HCN1: variants seen among roughly 807,000 people sequenced by gnomAD.
HCN1 encodes the protein hyperpolarization activated cyclic nucleotide gated potassium channel 1.
HCN1 carries 13 observed loss-of-function variants against 78.9 expected under a neutral mutation model. The observed-to-expected ratio is 0.16, with a 90% CI of 0.11 to 0.26. The LOEUF (loss-of-function observed/expected upper bound fraction) is 0.26, where lower values mean the gene tolerates loss of function less well. Among genes scored for constraint, HCN1 ranks in the 10% least tolerant of loss-of-function variants. The probability of loss-of-function intolerance (pLI) is 1.00; values close to 1 mark genes in which losing one functional copy is unlikely to be tolerated. For synonymous variants in HCN1, 552 were observed against 455.5 expected, an observed-to-expected ratio of 1.21 and a Z score of -2.70; for missense variants, 810 against 1,154.3, an observed-to-expected ratio of 0.70 and a Z score of 4.32.
chr5:45,503,082 TAAC>T (rs1394074383), intron 2 of HCN1, among the ~76,000 whole-genome samples: 1 of 152,206 alleles, frequency 6.6e-6, no homozygotes, highest in African/African-American at 2.4e-5. Context: ...TATTGTAGGA[TAAC>T]AAAGTATTTT....
Position 45,262,461 on chromosome 5 carries a change from A to T in HCN1, c.2133T>A (p.Pro711=). 1 of 1,612,510 alleles carries T rather than the reference A, an allele frequency of 6.2e-7. No individual in the cohort carries two copies. The highest frequency in any genetic ancestry group is 8.5e-7 in the Non-Finnish European group (1 of 1,179,774). ...CATAGTGGAAAGTTCGAGCGGCCAG[A>T]GGGCTCTGTACAGGAGGGCTGCAGA... The part of the protein sequence containing the change: ...TAVCSPPVQS[P]LAARTFHYAS... The change falls in exon 8 of 8, where the codon CCT becomes CCA. Residue 711 remains proline, a synonymous_variant. Transcript: ENST00000303230.
At chr5:45,613,867 T>C (rs1744891622) in intron 2 of HCN1, among the ~76,000 whole-genome samples, 1 of 152,186 alleles carries the variant, frequency 6.6e-6, no homozygotes, top group African/African-American at 2.4e-5. Context: ...TACTCTGTGG[T>C]AGAAATAGTC....
chr5:45,570,958 T>A (rs1446875151), intron 2 of HCN1, among the ~76,000 whole-genome samples: 1 of 152,182 alleles, frequency 6.6e-6, no homozygotes, highest in Non-Finnish European at 1.5e-5. Context: ...TAAATACTTA[T>A]GAGGATTATG....
chr5:45,452,801 C>T lies in HCN1; in HGVS notation c.1011+9045G>A, dbSNP rs200655566. Among the ~76,000 whole-genome samples, 173 of 151,976 alleles carry T rather than the reference C, an allele frequency of 1.1e-3. 2 individuals are homozygous for T. Among genetic ancestry groups the T allele is most frequent in the East Asian group, 2.1e-3 (11 of 5,166 alleles). On this transcript the variant is annotated intron_variant, in intron 3 of 7. Coordinates refer to ENST00000303230, the MANE Select transcript of HCN1 (RefSeq NM_021072.4). ...AGCCAAATTCATCATAAAATTTACT[C>T]ATTACTCCAGAATAAATTACATCTC...
At chr5:45,509,911 CT>C (rs1742377501) in intron 2 of HCN1, among the ~76,000 whole-genome samples, 1 of 152,086 alleles carries the variant, frequency 6.6e-6, no homozygotes, top group South Asian at 2.1e-4. Context: ...ATGGAAACTT[CT>C]GATCATTAAT....
At chr5:45,499,868 T>C (rs1461944862) in intron 2 of HCN1, among the ~76,000 whole-genome samples, 1 of 152,166 alleles carries the variant, frequency 6.6e-6, no homozygotes, top group Non-Finnish European at 1.5e-5. Flanking sequence ...TTAGCATCTA[T>C]CTCTTCCCAG....
At chr5:45,335,894 T>C (rs1287861011) in intron 5 of HCN1, among the ~76,000 whole-genome samples, 1 of 152,052 alleles carries the variant, frequency 6.6e-6, no homozygotes, top group East Asian at 1.9e-4. Flanking sequence ...CGGAGCTGGA[T>C]TTAAATGAGG....
intron 2 of HCN1, among the ~76,000 whole-genome samples, chr5:45,563,828 T>C (rs1399268083): frequency 2.0e-5 from 3 of 152,198 alleles, no homozygotes; most frequent in African/African-American, 7.2e-5. Context: ...ATTTTGATCA[T>C]TTACAGCTGA....
chr5:45,552,562 A>G (rs1743389574), intron 2 of HCN1, among the ~76,000 whole-genome samples: 1 of 151,980 alleles, frequency 6.6e-6, no homozygotes, highest in East Asian at 1.9e-4. Context: ...ACAGACTTCT[A>G]TGGTAAAGCT....
chr5:45,273,999 T>A (rs2030632101), intron 6 of HCN1, among the ~76,000 whole-genome samples: 2 of 152,088 alleles, frequency 1.3e-5, no homozygotes, highest in Admixed American at 1.3e-4. Context: ...ATTAAATAGG[T>A]GCAAATTTTT....
At chr5:45,469,335 A>G (rs571613233) in intron 2 of HCN1, among the ~76,000 whole-genome samples, 1 of 152,130 alleles carries the variant, frequency 6.6e-6, no homozygotes, top group Non-Finnish European at 1.5e-5. Flanking sequence ...ATGAATGAAT[A>G]TTGGAAATGA....
chr5:45,688,088 C>T (rs1739842206), intron 1 of HCN1, among the ~76,000 whole-genome samples: 1 of 152,138 alleles, frequency 6.6e-6, no homozygotes, highest in African/African-American at 2.4e-5. Context: ...TGTCCATTAA[C>T]TTCCTATTTT....
At chr5:45,397,472 T>G (rs569153872) in intron 3 of HCN1, among the ~76,000 whole-genome samples, 1 of 152,026 alleles carries the variant, frequency 6.6e-6, no homozygotes. Flanking sequence ...GCAAGCTCAA[T>G]TTTTTAAAAA....
At chr5:45,372,877 T>C (rs940500917) in intron 4 of HCN1, among the ~76,000 whole-genome samples, 1 of 143,566 alleles carries the variant, frequency 7.0e-6, no homozygotes, top group Admixed American at 7.2e-5. Flanking sequence ...TATGTACGTA[T>C]TCTATACACA....
intron 4 of HCN1, among the ~76,000 whole-genome samples, chr5:45,376,909 C>G (rs936216232): frequency 1.3e-5 from 2 of 151,920 alleles, no homozygotes; most frequent in African/African-American, 4.8e-5. Context: ...TAATGTTCAG[C>G]CAGGTCTGAG....
chr5:45,469,416 T>C (rs968726833), intron 2 of HCN1, among the ~76,000 whole-genome samples: 5 of 152,008 alleles, frequency 3.3e-5, no homozygotes, highest in Admixed American at 6.6e-5. Flanking sequence ...TTTAAGATCA[T>C]TGTCTATTCC....
At chr5:45,655,374 G>A (rs1403418019) in intron 1 of HCN1, among the ~76,000 whole-genome samples, 2 of 152,054 alleles carry the variant, frequency 1.3e-5, no homozygotes, top group South Asian at 2.1e-4. Context: ...AAATCATCTA[G>A]TTTAGGACGC....
intron 1 of HCN1, among the ~76,000 whole-genome samples, chr5:45,648,088 C>G (rs1745585518): frequency 6.6e-6 from 1 of 152,142 alleles, no homozygotes; most frequent in Non-Finnish European, 1.5e-5. Flanking sequence ...ATGCTAATCC[C>G]AGGGCCTGGC....
At chr5:45,319,021 G>A (rs1473333456) in intron 5 of HCN1, among the ~76,000 whole-genome samples, 2 of 151,878 alleles carry the variant, frequency 1.3e-5, no homozygotes, top group Non-Finnish European at 1.5e-5. Flanking sequence ...GTAAGTGGGA[G>A]TTGATTCTTT....
Sources: gnomAD v4.1 joint callset for allele counts (sites outside exome capture counted in the v4.1 genomes callset) on GRCh38, gnomAD v4.1.1 for gene constraint, MANE v1.5 for transcripts, NCBI Gene and HGNC (gene_info 2026-07-23, HGNC 2026-07-21) for gene names.